Variants in COL23A1 observed in about 807,000 individuals in gnomAD.
COL23A1 encodes collagen type XXIII alpha 1 chain, also known as collagen alpha-1(XXIII) chain.
In COL23A1, 97 loss-of-function variants were observed where a neutral mutation model predicts 99.3. The observed-to-expected ratio is 0.98, with a 90% CI of 0.83 to 1.16. The LOEUF (loss-of-function observed/expected upper bound fraction) is 1.16. Among genes scored for constraint, COL23A1 ranks in the 50% most tolerant of loss-of-function variants. COL23A1 has a pLI of 0.00. For missense variants in COL23A1, 762 were observed against 757.4 expected (o/e 1.01, Z -0.07); for synonymous variants, 320 against 308.2 (o/e 1.04, Z -0.40).
intron 2 of COL23A1, among the ~76,000 whole-genome samples, chr5:178,473,030 A>G (rs1581455722): frequency 7.3e-6 from 1 of 136,790 alleles, no homozygotes; most frequent in East Asian, 2.3e-4. Context: ...AGCTGAGGCG[A>G]GAGGATCGCT....
intron 2 of COL23A1, chr5:178,523,543 G>A (rs1385728489): frequency 6.6e-6 from 1 of 151,978 alleles, no homozygotes; most frequent in Non-Finnish European, 1.5e-5. Flanking sequence ...CGACGGGCCA[G>A]GAGCACCTCC....
intron 2 of COL23A1, among the ~76,000 whole-genome samples, chr5:178,430,024 G>C (rs1431368312): frequency 2.0e-5 from 3 of 152,146 alleles, no homozygotes; most frequent in African/African-American, 7.2e-5. Flanking sequence ...CCTGTCCCCA[G>C]GAAGTATGTT....
At chr5:178,458,852 C>A (rs1240302238) in intron 2 of COL23A1, among the ~76,000 whole-genome samples, 1 of 152,226 alleles carries the variant, frequency 6.6e-6, no homozygotes, top group East Asian at 1.9e-4. Context: ...AATATTCTTA[C>A]CCCCAAAACC....
intron 2 of COL23A1, among the ~76,000 whole-genome samples, chr5:178,547,284 C>A (rs1476508763): frequency 1.3e-5 from 2 of 151,982 alleles, no homozygotes; most frequent in East Asian, 3.9e-4. Flanking sequence ...CAGAGCCGAG[C>A]CCTGGCCCAA....
At chr5:178,430,567 T>A (rs7702482) in intron 2 of COL23A1, among the ~76,000 whole-genome samples, 151,394 of 152,330 alleles carry the variant, frequency 0.99, 75,236 homozygotes, top group Middle Eastern at 1. Context: ...ACGTGTGACG[T>A]GCGCAGCAGA....
intron 2 of COL23A1, among the ~76,000 whole-genome samples, chr5:178,534,972 C>CT (rs35460582): frequency 0.21 from 27,930 of 130,022 alleles, 3,207 homozygotes; most frequent in African/African-American, 0.24. Flanking sequence ...TTTCCTTTTT[C>CT]TTTTTTTTTT....
At chr5:178,569,387 C>T (rs528371660) in intron 1 of COL23A1, among the ~76,000 whole-genome samples, 21 of 152,144 alleles carry the variant, frequency 1.4e-4, no homozygotes, top group East Asian at 3.8e-4. Context: ...GCAATATGAG[C>T]GTGTTAACAT....
chr5:178,330,218 A>G (rs1250414023), intron 2 of COL23A1, among the ~76,000 whole-genome samples: 1 of 152,194 alleles, frequency 6.6e-6, no homozygotes, highest in East Asian at 1.9e-4. Flanking sequence ...CCATTTATGA[A>G]GGCTCAACTC....
At chr5:178,305,418 C>T (rs569626198) in intron 3 of COL23A1, among the ~76,000 whole-genome samples, 3 of 152,062 alleles carry the variant, frequency 2.0e-5, no homozygotes, top group African/African-American at 4.8e-5. Context: ...CCAGTTGGCC[C>T]GGGGTCCTCT....
chr5:178,412,334 T>A (rs1274465393), intron 2 of COL23A1, among the ~76,000 whole-genome samples: 6 of 152,226 alleles, frequency 3.9e-5, no homozygotes, highest in African/African-American at 1.4e-4. Context: ...CTGTTAATTG[T>A]GGCTACTTTC....
chr5:178,366,533 C>T lies in COL23A1; in HGVS notation c.362-59614G>A, dbSNP rs1399158860. Among the ~76,000 whole-genome samples, 1 of 152,210 alleles carries T rather than the reference C, an allele frequency of 6.6e-6. No homozygotes were observed. Among genetic ancestry groups the T allele is most frequent in the East Asian group, 1.9e-4 (1 of 5,192 alleles). On this transcript the variant is annotated intron_variant, in intron 2 of 28. Coordinates refer to ENST00000390654, the MANE Select transcript of COL23A1 (RefSeq NM_173465.4). This position sits in a 1 kb window ranked among gnomAD's most constrained non-coding sequence, Gnocchi z 4.4. The stretch of plus-strand genomic sequence containing the variant: ...CCATCTGACCTTTCCAGACCAACTT[C>T]CACCCTGCCCCAACAGAGTGCTTTC...
intron 2 of COL23A1, among the ~76,000 whole-genome samples, chr5:178,319,858 G>A (rs1759192297): frequency 6.6e-6 from 1 of 151,528 alleles, no homozygotes; most frequent in Admixed American, 6.6e-5. Context: ...GGGTCACTCC[G>A]AGGGCATCTG....
chr5:178,532,195 C>T (rs1049415659), intron 2 of COL23A1, among the ~76,000 whole-genome samples: 2 of 152,224 alleles, frequency 1.3e-5, no homozygotes, highest in Non-Finnish European at 2.9e-5. Context: ...GTGCTCCAGG[C>T]ACATTGTTTG....
At chr5:178,369,276 C>A (rs2910117) in intron 2 of COL23A1, among the ~76,000 whole-genome samples, 2 of 151,866 alleles carry the variant, frequency 1.3e-5, no homozygotes, top group African/African-American at 2.4e-5. Context: ...TGTTCCCCCC[C>A]ACACCACCCT....
At chr5:178,494,040 T>A (rs555726318) in intron 2 of COL23A1, among the ~76,000 whole-genome samples, 1 of 152,240 alleles carries the variant, frequency 6.6e-6, no homozygotes, top group Admixed American at 6.5e-5. Flanking sequence ...TGTGGGAACA[T>A]GAAGGTTTGT....
At chr5:178,540,904 G>A (rs1467133626) in intron 2 of COL23A1, among the ~76,000 whole-genome samples, 1 of 152,178 alleles carries the variant, frequency 6.6e-6, no homozygotes, top group Non-Finnish European at 1.5e-5. Context: ...TCCAGCCTAG[G>A]TGGACAGAAC....
In COL23A1 at chr5:178,387,591, G is replaced by A. The variant is rs1763739587; in HGVS notation, c.362-80672C>T. On this transcript the variant is annotated intron_variant, in intron 2 of 28. Coordinates refer to ENST00000390654, the MANE Select transcript of COL23A1 (RefSeq NM_173465.4). The surrounding 1 kb of genome is among the most constrained non-coding windows in gnomAD (Gnocchi z 4.7). The stretch of plus-strand genomic sequence containing the variant: ...TCACAGCCGACTGTATTTGGGGTTT[G>A]CCTGAGCCTCCCCTCCTGGACCAAT... Among the ~76,000 whole-genome samples, 1 of 152,188 alleles carries A rather than the reference G, an allele frequency of 6.6e-6. No individual in the cohort carries two copies. The highest frequency in any genetic ancestry group is 1.5e-5 in the Non-Finnish European group (1 of 68,036).
intron 5 of COL23A1, among the ~76,000 whole-genome samples, chr5:178,271,748 T>C (rs1756298211): frequency 6.6e-6 from 1 of 152,224 alleles, no homozygotes; most frequent in Non-Finnish European, 1.5e-5. Context: ...TGCCAGCTCC[T>C]AGCCGGCAGG....
intron 2 of COL23A1, among the ~76,000 whole-genome samples, chr5:178,521,282 G>A (rs779207269): frequency 4.6e-5 from 7 of 152,260 alleles, no homozygotes; most frequent in Non-Finnish European, 8.8e-5. Flanking sequence ...GGCCGGGCGC[G>A]GTGGCTCACA....
Sources: gnomAD v4.1 joint callset for allele counts (sites outside exome capture counted in the v4.1 genomes callset) on GRCh38, gnomAD v4.1.1 for gene constraint, Gnocchi (gnomAD v3.1) non-coding constraint, MANE v1.5 for transcripts, NCBI Gene and HGNC (gene_info 2026-07-23, HGNC 2026-07-21) for gene names.